Variants in TENM2 observed in about 807,000 individuals in gnomAD.
The protein encoded by TENM2 is teneurin transmembrane protein 2.
TENM2 carries 52 observed loss-of-function variants against 245.2 expected under a neutral mutation model. The ratio of observed to expected loss-of-function variants is 0.21; its 90% CI spans 0.17 to 0.27. The LOEUF is 0.27. Among genes scored for constraint, TENM2 ranks in the 10% least tolerant of loss-of-function variants. The pLI is 1.00. For missense variants in TENM2, 3,046 were observed against 3,666.8 expected, an observed-to-expected ratio of 0.83 and a Z score of 4.37; for synonymous variants, 1,363 against 1,438.9, an observed-to-expected ratio of 0.95 and a Z score of 1.19.
chr5:167,096,563 C>A, the TENM2 span, among the ~76,000 whole-genome samples: 3 of 152,174 alleles, frequency 2.0e-5, no homozygotes, highest in African/African-American at 7.2e-5. Context: ...TTCTGCCTGG[C>A]CAAACTCTAA....
At chr5:167,361,396 T>C (rs1363203550) in intron 1 of TENM2, among the ~76,000 whole-genome samples, 1 of 152,190 alleles carries the variant, frequency 6.6e-6, no homozygotes, top group African/African-American at 2.4e-5. Context: ...TCCAAACTTA[T>C]CTCTTTGCTA....
chr5:167,406,394 T>G (rs373435412), intron 2 of TENM2, among the ~76,000 whole-genome samples: 85 of 152,288 alleles, frequency 5.6e-4, no homozygotes, highest in African/African-American at 2.0e-3. Context: ...GCTCAATTAT[T>G]TTTTGCAATT....
At chr5:167,575,144 C>T (rs1736894957) in intron 2 of TENM2, among the ~76,000 whole-genome samples, 1 of 150,680 alleles carries the variant, frequency 6.6e-6, no homozygotes, top group East Asian at 1.9e-4. Flanking sequence ...AACCCAAACC[C>T]ACCTCTGATT....
chr5:167,417,168 G>C (rs1035459097), intron 2 of TENM2, among the ~76,000 whole-genome samples: 1 of 152,052 alleles, frequency 6.6e-6, no homozygotes, highest in Non-Finnish European at 1.5e-5. Context: ...GTAATAGAAG[G>C]GTGTCTGTCA....
chr5:167,297,385 T>C (rs1359053911), intron 1 of TENM2: 2 of 152,188 alleles, frequency 1.3e-5, no homozygotes, highest in Non-Finnish European at 2.9e-5. Flanking sequence ...AAGAAGCAGG[T>C]GGACTGATTC....
chr5:167,930,129 C>T (rs1778163865), intron 3 of TENM2, among the ~76,000 whole-genome samples: 1 of 152,202 alleles, frequency 6.6e-6, no homozygotes, highest in Admixed American at 6.5e-5. Flanking sequence ...TTACTTTCTT[C>T]CAGAGCAGAC....
chr5:167,598,332 G>A (rs982274143), intron 2 of TENM2, among the ~76,000 whole-genome samples: 1 of 152,188 alleles, frequency 6.6e-6, no homozygotes, highest in African/African-American at 2.4e-5. Flanking sequence ...TCATGTGCAA[G>A]TCTCCTGAGA....
intron 2 of TENM2, among the ~76,000 whole-genome samples, chr5:167,864,287 T>C (rs1485409778): frequency 6.6e-6 from 1 of 152,160 alleles, no homozygotes; most frequent in Admixed American, 6.5e-5. Context: ...ATGAAAACAA[T>C]TACCATTTGC....
chr5:167,274,562 A>T, the TENM2 span, among the ~76,000 whole-genome samples: 1 of 150,260 alleles, frequency 6.7e-6, no homozygotes, highest in Non-Finnish European at 1.5e-5. Flanking sequence ...TACACATTTA[A>T]TTTTTCTTTT....
At chr5:168,201,321 GATAT>G (rs942691576) in intron 17 of TENM2, among the ~76,000 whole-genome samples, 2 of 151,290 alleles carry the variant, frequency 1.3e-5, no homozygotes, top group Non-Finnish European at 2.9e-5. Context: ...CATATATACA[GATAT>G]ATATATGTAT....
intron 3 of TENM2, among the ~76,000 whole-genome samples, chr5:167,926,133 A>G (rs533766476): frequency 6.6e-6 from 1 of 152,320 alleles, no homozygotes; most frequent in South Asian, 2.1e-4. Flanking sequence ...ATAAAATAAA[A>G]ATAAAGTTCA....
At chr5:167,552,386 A>G (rs1193270603) in intron 2 of TENM2, among the ~76,000 whole-genome samples, 1 of 152,156 alleles carries the variant, frequency 6.6e-6, no homozygotes. Flanking sequence ...ATTCTTTCCC[A>G]TGATTTTTAC....
chr5:167,535,033 T>C (rs1393694687), intron 2 of TENM2, among the ~76,000 whole-genome samples: 2 of 152,152 alleles, frequency 1.3e-5, no homozygotes, highest in African/African-American at 4.8e-5. Flanking sequence ...TAGTTGTCTA[T>C]TTTCTTTTCA....
chr5:167,210,124 A>G, the TENM2 span, among the ~76,000 whole-genome samples: 1 of 152,168 alleles, frequency 6.6e-6, no homozygotes, highest in Admixed American at 6.5e-5. Context: ...TAACTTCATA[A>G]AGTAGGTATC....
chr5:167,774,202 A>AAGGG (rs1162159998), intron 2 of TENM2, among the ~76,000 whole-genome samples: 113 of 70,012 alleles, frequency 1.6e-3, no homozygotes, highest in Middle Eastern at 7.7e-3. Flanking sequence ...GGGAAGGAGG[A>AAGGG]AGGGAGGGAG....
At chr5:167,885,930 G>A (rs901821717) in intron 3 of TENM2, among the ~76,000 whole-genome samples, 3 of 152,072 alleles carry the variant, frequency 2.0e-5, no homozygotes, top group East Asian at 1.9e-4. Context: ...TGATCCACTC[G>A]CCTCGGCCTC....
intron 13 of TENM2, among the ~76,000 whole-genome samples, chr5:168,180,926 C>T (rs1034889068): frequency 6.7e-6 from 1 of 149,064 alleles, no homozygotes. Context: ...AAAAAAAATG[C>T]AGGTTCCCAA....
At chr5:168,060,860 G>A (rs146531850) in intron 6 of TENM2, among the ~76,000 whole-genome samples, 2 of 152,244 alleles carry the variant, frequency 1.3e-5, no homozygotes, top group African/African-American at 2.4e-5. Flanking sequence ...CTCGCTCACC[G>A]TTTAGGCCAG....
intron 3 of TENM2, among the ~76,000 whole-genome samples, chr5:167,909,292 T>G (rs147847917): frequency 1.3e-5 from 2 of 152,316 alleles, no homozygotes; most frequent in East Asian, 3.9e-4. Context: ...GTCCTTGACT[T>G]ACTTTCACGG....
Sources: gnomAD v4.1 joint callset for allele counts (sites outside exome capture counted in the v4.1 genomes callset) on GRCh38, gnomAD v4.1.1 for gene constraint, MANE v1.5 for transcripts, NCBI Gene and HGNC (gene_info 2026-07-23, HGNC 2026-07-21) for gene names.